Variants in SCAPER observed in about 807,000 individuals in gnomAD.
SCAPER encodes the protein S-phase cyclin A associated protein in the ER, also known as S phase cyclin A-associated protein in the endoplasmic reticulum.
Under a neutral mutation model 182.2 loss-of-function variants are expected in SCAPER, and 98 were observed. That is an observed-to-expected ratio of 0.54 (90% CI 0.46 to 0.64). The LOEUF (loss-of-function observed/expected upper bound fraction) is 0.64, where lower values mean the gene tolerates loss of function less well. Among genes scored for constraint, SCAPER ranks in the 30% least tolerant of loss-of-function variants. The pLI is 0.00. For synonymous variants in SCAPER, 605 were observed against 564.6 expected, an observed-to-expected ratio of 1.07 and a Z score of -1.01; for missense variants, 1,432 against 1,690.0, an observed-to-expected ratio of 0.85 and a Z score of 2.68.
intron 29 of SCAPER, among the ~76,000 whole-genome samples, chr15:76,361,510 G>C (rs2041418136): frequency 6.6e-6 from 1 of 152,198 alleles, no homozygotes; most frequent in Non-Finnish European, 1.5e-5. Flanking sequence ...TCACATTTCA[G>C]AAGCAAGTCT....
chr15:76,396,740 T>C (rs1306120490), intron 27 of SCAPER, among the ~76,000 whole-genome samples: 2 of 152,240 alleles, frequency 1.3e-5, no homozygotes. Flanking sequence ...TTTCCAAATA[T>C]GAGATCATAT....
At chr15:76,649,386 T>A (rs751129451) in intron 21 of SCAPER, among the ~76,000 whole-genome samples, 1 of 151,932 alleles carries the variant, frequency 6.6e-6, no homozygotes, top group Non-Finnish European at 1.5e-5. Context: ...GCTGGGATCA[T>A]GCCACTGCAT....
At chr15:76,765,722 T>C (rs916108652) in intron 11 of SCAPER, 84 bp from the exon 12 acceptor site, 2 of 1,095,448 alleles carry the variant, frequency 1.8e-6, no homozygotes, top group Admixed American at 2.0e-5. Flanking sequence ...GAAAATGTCC[T>C]ACCTATTGTT....
At chr15:76,759,835 G>T (rs1349127141) in intron 14 of SCAPER, among the ~76,000 whole-genome samples, 1 of 152,114 alleles carries the variant, frequency 6.6e-6, no homozygotes, top group African/African-American at 2.4e-5. Flanking sequence ...TGGTATGATT[G>T]TAGATGTATT....
At chr15:76,788,125 T>C (rs752071034) in intron 8 of SCAPER, among the ~76,000 whole-genome samples, 32 of 152,140 alleles carry the variant, frequency 2.1e-4, no homozygotes, top group African/African-American at 7.5e-4. Context: ...AAAACCACAA[T>C]GCACATATAA....
At chr15:76,438,813 T>C (rs1039948522) in intron 25 of SCAPER, among the ~76,000 whole-genome samples, 2 of 152,174 alleles carry the variant, frequency 1.3e-5, no homozygotes, top group Admixed American at 1.3e-4. Context: ...TCATAGAAAA[T>C]TTCATTTTTT....
chr15:76,513,240 G>A (rs2042181381), intron 23 of SCAPER, among the ~76,000 whole-genome samples: 1 of 152,134 alleles, frequency 6.6e-6, no homozygotes, highest in Non-Finnish European at 1.5e-5. Flanking sequence ...CAAGTGAAAG[G>A]ACTTATTTCA....
chr15:76,701,504 A>G lies in SCAPER; in HGVS notation c.2508+254T>C, dbSNP rs370276777. Among the ~76,000 whole-genome samples the G allele has an allele frequency of 7.7e-3, 1,179 of 152,308 alleles. 7 individuals are homozygous for G. Among genetic ancestry groups the G allele is most frequent in the South Asian group, 0.016 (77 of 4,824 alleles). ...TATTTTCCTGCATTATTAAAATATCAATATACCATAACATTTCCTTATACT... is the reference window on the plus strand; with the variant it reads ...TATTTTCCTGCATTATTAAAATATCGATATACCATAACATTTCCTTATACT... On this transcript the variant is annotated intron_variant, in intron 20 of 31. Coordinates refer to ENST00000563290, the MANE Select transcript of SCAPER (RefSeq NM_020843.4).
chr15:76,802,364 A>T (rs184275766), intron 6 of SCAPER, among the ~76,000 whole-genome samples: 1 of 152,108 alleles, frequency 6.6e-6, no homozygotes, highest in Non-Finnish European at 1.5e-5. Flanking sequence ...TCACAAAGAC[A>T]ATACAGCCAC....
chr15:76,495,611 A>C (rs1359275111), intron 24 of SCAPER, among the ~76,000 whole-genome samples: 1 of 146,660 alleles, frequency 6.8e-6, no homozygotes, highest in Non-Finnish European at 1.5e-5. Context: ...AGAGAGAGAG[A>C]GACGATGCAA....
At chr15:76,766,632 C>A (rs569961955) in intron 11 of SCAPER, among the ~76,000 whole-genome samples, 2 of 152,292 alleles carry the variant, frequency 1.3e-5, no homozygotes, top group South Asian at 4.1e-4. Context: ...GGCACCACAA[C>A]CGGCCCAGAC....
At chr15:76,723,849 G>C (rs2060416912) in intron 17 of SCAPER, among the ~76,000 whole-genome samples, 1 of 152,320 alleles carries the variant, frequency 6.6e-6, no homozygotes, top group Middle Eastern at 3.4e-3. Flanking sequence ...CCTGAATACA[G>C]CACACTGATG....
At chr15:76,349,731 CCAAT>C (rs2040411540) in intron 31 of SCAPER, 1 of 151,562 alleles carries the variant, frequency 6.6e-6, no homozygotes, top group Non-Finnish European at 1.5e-5. Context: ...AAAGGAGAGA[CCAAT>C]TCCCCCTTTG....
At chr15:76,813,174 T>C (rs2066771163) in intron 5 of SCAPER, among the ~76,000 whole-genome samples, 1 of 127,944 alleles carries the variant, frequency 7.8e-6, no homozygotes. Context: ...CATATAATCA[T>C]CTCAACAGAC....
intron 8 of SCAPER, among the ~76,000 whole-genome samples, chr15:76,782,488 C>G (rs1300106320): frequency 6.6e-6 from 1 of 152,126 alleles, no homozygotes; most frequent in Non-Finnish European, 1.5e-5. Context: ...AGAAGGTTAG[C>G]AAAGATATCC....
At chr15:76,581,791 G>A (rs1338568553) in intron 22 of SCAPER, among the ~76,000 whole-genome samples, 5 of 151,910 alleles carry the variant, frequency 3.3e-5, no homozygotes, top group Non-Finnish European at 7.4e-5. Flanking sequence ...TCACCATGTT[G>A]CCCAGGCTGG....
chr15:76,462,813 C>T (rs1240776782), intron 25 of SCAPER, among the ~76,000 whole-genome samples: 1 of 152,168 alleles, frequency 6.6e-6, no homozygotes, highest in Non-Finnish European at 1.5e-5. Flanking sequence ...TCTATACACA[C>T]AACATCCCTT....
chr15:76,652,273 AATATAT>A (rs1172636102), intron 21 of SCAPER, among the ~76,000 whole-genome samples: 45 of 12,828 alleles, frequency 3.5e-3, no homozygotes, highest in African/African-American at 6.3e-3. Context: ...AAAAAAAAAA[AATATAT>A]ATATATATAT....
intron 22 of SCAPER, among the ~76,000 whole-genome samples, chr15:76,608,737 C>T (rs1331825866): frequency 6.6e-6 from 1 of 152,208 alleles, no homozygotes; most frequent in Non-Finnish European, 1.5e-5. Flanking sequence ...GCGCCCCTCC[C>T]CCAGCCTCAC....
Sources: allele counts gnomAD v4.1 joint callset (sites outside exome capture counted in the v4.1 genomes callset), GRCh38; gene constraint gnomAD v4.1.1; transcripts MANE v1.5; gene names NCBI Gene and HGNC (gene_info 2026-07-23, HGNC 2026-07-21).